Variants in TBC1D22A observed in about 807,000 individuals in gnomAD.
TBC1D22A encodes the protein TBC1 domain family member 22A, also known as putative GTPase activator.
Under a neutral mutation model 60.2 loss-of-function variants are expected in TBC1D22A, and 38 were observed. The ratio of observed to expected loss-of-function variants is 0.63; its 90% CI spans 0.49 to 0.83. The LOEUF (loss-of-function observed/expected upper bound fraction) is 0.83. TBC1D22A is among the 40% of genes least tolerant of loss of function. The pLI is 0.00. For missense variants in TBC1D22A, 628 were observed against 701.0 expected, an observed-to-expected ratio of 0.90 and a Z score of 1.18; for synonymous variants, 302 against 281.7, an observed-to-expected ratio of 1.07 and a Z score of -0.72.
At chr22:47,088,597 A>AT (rs201087156) in intron 11 of TBC1D22A, among the ~76,000 whole-genome samples, 172 of 149,096 alleles carry the variant, frequency 1.2e-3, no homozygotes, top group East Asian at 9.2e-3. Flanking sequence ...TGCTAATCAA[A>AT]TTTTTTTTTT....
chr22:47,150,111 G>C (rs1485957069), intron 12 of TBC1D22A, among the ~76,000 whole-genome samples: 7 of 152,138 alleles, frequency 4.6e-5, no homozygotes, highest in Non-Finnish European at 7.4e-5. Context: ...CTCCAAGCCT[G>C]TTAGAGTCCA....
intron 11 of TBC1D22A, among the ~76,000 whole-genome samples, chr22:47,061,123 C>T (rs1025990782): frequency 1.3e-5 from 2 of 149,788 alleles, no homozygotes; most frequent in African/African-American, 4.9e-5. Context: ...TCACCACCGT[C>T]CTGGAAAGGT....
intron 11 of TBC1D22A, among the ~76,000 whole-genome samples, chr22:47,109,816 G>A (rs1603277578): frequency 6.6e-6 from 1 of 151,776 alleles, no homozygotes; most frequent in Admixed American, 6.6e-5. Flanking sequence ...AATACATCTC[G>A]AATGTGTCTT....
rs768910521 is a variant in TBC1D22A, at chr22:46,990,418, C to T, written c.1126-7216C>T. On this transcript the variant is annotated intron_variant, in intron 9 of 12. Transcript: ENST00000337137. The surrounding 1 kb of genome is among the most constrained non-coding windows in gnomAD (Gnocchi z 4.6). The stretch of plus-strand genomic sequence containing the variant: ...TAGAGAGGCCCCATGTGCTCCTCAG[C>T]GTCCTCCTTCAGCCCCAGCCTCCCT... 6.6e-6 allele frequency among the ~76,000 whole-genome samples: 1 copy of T among 152,124 alleles called. No individual in the cohort carries two copies. The highest frequency in any genetic ancestry group is 2.4e-5 in the African/African-American group (1 of 41,418).
chr22:46,847,950 T>TGTGTGTGCGC (rs2087091360), intron 4 of TBC1D22A, among the ~76,000 whole-genome samples: 1 of 107,624 alleles, frequency 9.3e-6, no homozygotes, highest in African/African-American at 4.3e-5. Context: ...TGTGTGTGTG[T>TGTGTGTGCGC]GTGTGCGCGC....
intron 4 of TBC1D22A, among the ~76,000 whole-genome samples, chr22:46,859,172 T>A (rs57375912): frequency 7.8e-5 from 4 of 51,404 alleles, no homozygotes; most frequent in Admixed American, 2.0e-4. Context: ...AATCCTTTTT[T>A]GATAGAGGTC....
At chr22:46,993,619 C>T (rs1455621238) in intron 9 of TBC1D22A, among the ~76,000 whole-genome samples, 2 of 152,184 alleles carry the variant, frequency 1.3e-5, no homozygotes, top group Non-Finnish European at 2.9e-5. Flanking sequence ...GAGGGCAAAT[C>T]TGGTTTCTGG....
intron 12 of TBC1D22A, among the ~76,000 whole-genome samples, chr22:47,171,092 C>T (rs1443660567): frequency 6.6e-6 from 1 of 152,142 alleles, no homozygotes; most frequent in Non-Finnish European, 1.5e-5. Flanking sequence ...CTGGCTGTGC[C>T]TATGTGGAGA....
chr22:47,015,329 G>C (rs1014929202), intron 10 of TBC1D22A, among the ~76,000 whole-genome samples: 2 of 152,204 alleles, frequency 1.3e-5, no homozygotes, highest in African/African-American at 4.8e-5. Context: ...GGGGAGGGCG[G>C]CTCGCTTTAT....
chr22:47,053,575 C>G (rs949357920), intron 11 of TBC1D22A, among the ~76,000 whole-genome samples: 3 of 152,238 alleles, frequency 2.0e-5, no homozygotes, highest in African/African-American at 7.2e-5. Context: ...ATCAGGAGAG[C>G]AGAAAGGCCA....
intron 4 of TBC1D22A, among the ~76,000 whole-genome samples, chr22:46,834,284 C>G (rs1027128736): frequency 6.6e-6 from 1 of 152,144 alleles, no homozygotes; most frequent in Admixed American, 6.5e-5. Context: ...TCATCCCCCC[C>G]AGCAGTAATA....
chr22:46,781,178 G>C (rs1242084188), intron 1 of TBC1D22A, among the ~76,000 whole-genome samples: 1 of 133,928 alleles, frequency 7.5e-6, no homozygotes, highest in East Asian at 2.3e-4. Flanking sequence ...TCATTCTGTT[G>C]CTGGAGTGCA....
intron 1 of TBC1D22A, among the ~76,000 whole-genome samples, chr22:46,782,353 G>A (rs944915701): frequency 6.6e-6 from 1 of 152,128 alleles, no homozygotes; most frequent in Non-Finnish European, 1.5e-5. Flanking sequence ...GTGCCCAGCC[G>A]GACTTGGACT....
intron 8 of TBC1D22A, among the ~76,000 whole-genome samples, chr22:46,944,607 C>G (rs113317343): frequency 0.013 from 1,946 of 152,306 alleles, 52 homozygotes; most frequent in African/African-American, 0.045. Context: ...ACCGTGTTAG[C>G]CAGGATGGTC....
intron 6 of TBC1D22A, among the ~76,000 whole-genome samples, chr22:46,891,670 C>A (rs568160105): frequency 5.4e-4 from 82 of 152,248 alleles, no homozygotes; most frequent in Middle Eastern, 3.4e-3. Flanking sequence ...CCTTGGATTC[C>A]TGAGACCGGC....
chr22:47,162,670 TGCAGGGAGAGTCGTGGGAATGGGACTGC>T lies in TBC1D22A; in HGVS notation c.1426-10826_1426-10799del, dbSNP rs1343359340. ...CGTGGGAATGGGACTGCGGACCCGG[TGCAGGGAGAGTCGTGGGAATGGGACTGC>T]GGACCCGGTGCAGGGAGAGTCGTGG... On this transcript the variant is annotated intron_variant, in intron 12 of 12. Coordinates refer to ENST00000337137, the MANE Select transcript of TBC1D22A (RefSeq NM_014346.5). Among the ~76,000 whole-genome samples, 176 of 56,582 alleles carry T rather than the reference TGCAGGGAGAGTCGTGGGAATGGGACTGC, an allele frequency of 3.1e-3. 2 individuals carry two copies. Among genetic ancestry groups the T allele is most frequent in the African/African-American group, 7.7e-3 (169 of 22,012 alleles). The allele number at this position is 56,582 out of a possible 152,430, so 37.1% of individuals were successfully genotyped here. A position where few individuals can be genotyped will look rare whatever the true frequency, so the allele number is the denominator to read the frequency against.
intron 8 of TBC1D22A, among the ~76,000 whole-genome samples, chr22:46,922,406 A>C (rs1266283947): frequency 6.6e-6 from 1 of 152,172 alleles, no homozygotes; most frequent in African/African-American, 2.4e-5. Flanking sequence ...TTGGCTATTC[A>C]GGTTCTTTTT....
At chr22:46,797,239 T>C (rs898155953) in intron 3 of TBC1D22A, among the ~76,000 whole-genome samples, 5 of 152,186 alleles carry the variant, frequency 3.3e-5, no homozygotes, top group Non-Finnish European at 5.9e-5. Context: ...GTCCATTTTG[T>C]TGGTGAATAA....
At chr22:47,087,631 A>G (rs965401103) in intron 11 of TBC1D22A, among the ~76,000 whole-genome samples, 1 of 152,246 alleles carries the variant, frequency 6.6e-6, no homozygotes, top group Non-Finnish European at 1.5e-5. Context: ...TACTTACTGA[A>G]ATACATATTT....
Sources: gnomAD v4.1 joint callset for allele counts (sites outside exome capture counted in the v4.1 genomes callset) on GRCh38, gnomAD v4.1.1 for gene constraint, Gnocchi (gnomAD v3.1) non-coding constraint, MANE v1.5 for transcripts, NCBI Gene and HGNC (gene_info 2026-07-23, HGNC 2026-07-21) for gene names.